Variants in EFHD2 observed in about 807,000 individuals in gnomAD.
The protein encoded by EFHD2 is EF-hand domain family member D2, also known as EF-hand domain-containing protein D2.
Under a neutral mutation model 20.3 loss-of-function variants are expected in EFHD2, and 12 were observed. The observed-to-expected ratio is 0.59, with a 90% CI of 0.38 to 0.96. The LOEUF (loss-of-function observed/expected upper bound fraction) is 0.96. Ranked by LOEUF, EFHD2 falls within the 40% of genes least tolerant of loss-of-function variation. The pLI is 0.00. For synonymous variants in EFHD2, 131 were observed against 143.9 expected (o/e 0.91, Z 0.64); for missense variants, 250 against 334.3 (o/e 0.75, Z 1.97).
chr1:15,417,120 C>T (rs922637701), intron 1 of EFHD2, among the ~76,000 whole-genome samples: 1 of 152,144 alleles, frequency 6.6e-6, no homozygotes, highest in African/African-American at 2.4e-5. Context: ...CCATAATCCG[C>T]ACTGTAACCA....
At chr1:15,427,487 G>T (rs1015386605) in intron 3 of EFHD2, among the ~76,000 whole-genome samples, 1 of 152,226 alleles carries the variant, frequency 6.6e-6, no homozygotes. Context: ...AGCCGCCAAG[G>T]GGGTGGGTGA....
At chr1:15,411,385 C>A (rs1461630728) in intron 1 of EFHD2, among the ~76,000 whole-genome samples, 1 of 152,124 alleles carries the variant, frequency 6.6e-6, no homozygotes, top group Non-Finnish European at 1.5e-5. Context: ...CCTGTCCCCC[C>A]ACAAAAACAA....
intron 3 of EFHD2, chr1:15,428,065 G>A (rs1473860489): frequency 4.4e-6 from 2 of 454,000 alleles, no homozygotes; most frequent in Middle Eastern, 3.3e-4. Flanking sequence ...TTGGGTGCCA[G>A]GTTCTAAGTG....
intron 3 of EFHD2, chr1:15,427,757 G>T (rs1179745950): frequency 2.7e-6 from 1 of 370,764 alleles, no homozygotes; most frequent in Non-Finnish European, 5.4e-6. Context: ...TGATCTAGTG[G>T]CTCCTGGGTC....
In EFHD2 at chr1:15,419,199, C is replaced by T. The variant is rs375482945; in HGVS notation, c.309-6672C>T. ...CATGCTCACCCCAAAGGGAAAGGGTCGTCCTTGGGGGGTAACTGGCTGCTC... is the reference window on the plus strand; with the variant it reads ...CATGCTCACCCCAAAGGGAAAGGGTTGTCCTTGGGGGGTAACTGGCTGCTC... On this transcript the variant is annotated intron_variant, in intron 1 of 3. Coordinates refer to ENST00000375980, the MANE Select transcript of EFHD2 (RefSeq NM_024329.6). 7.2e-5 allele frequency among the ~76,000 whole-genome samples: 11 copies of T among 152,184 alleles called. No individual in the cohort carries two copies. In the East Asian group the frequency reaches 1.2e-3, roughly 16 times the overall value.
chr1:15,424,183 G>C (rs565807954), intron 1 of EFHD2, among the ~76,000 whole-genome samples: 1 of 112,092 alleles, frequency 8.9e-6, no homozygotes, highest in East Asian at 2.5e-4. Context: ...GTCTCAAAAA[G>C]AAAAAAAAAA....
chr1:15,411,017 T>G (rs969543329), intron 1 of EFHD2, among the ~76,000 whole-genome samples: 69 of 151,784 alleles, frequency 4.5e-4, no homozygotes, highest in African/African-American at 1.5e-3. Context: ...AAGGGACCCC[T>G]CGGCCCCTGT....
Position 15,430,076 on chromosome 1 carries a change from G to A in EFHD2, c.*1352G>A, listed in dbSNP as rs550435983. 1 of 152,762 alleles carries A rather than the reference G, an allele frequency of 6.5e-6. No individual in the cohort carries two copies. Among genetic ancestry groups the A allele is most frequent in the African/African-American group, 2.4e-5 (1 of 41,568 alleles). 9.5% of individuals were successfully genotyped at this position (152,762 alleles called of 1,614,324 possible). On this transcript the variant is annotated 3_prime_UTR_variant, in exon 4 of 4. Coordinates refer to ENST00000375980, the MANE Select transcript of EFHD2 (RefSeq NM_024329.6). ...CTGGAAGCTACGCGGACTTGCAGAG[G>A]TTTTATTTTTTGGCCTTAGAATCTG...
intron 1 of EFHD2, among the ~76,000 whole-genome samples, chr1:15,414,755 G>A (rs1707625752): frequency 6.6e-6 from 1 of 152,192 alleles, no homozygotes; most frequent in East Asian, 1.9e-4. Flanking sequence ...CTTCTCTCCT[G>A]CTGAACAGCC....
At chr1:15,415,804 T>A (rs2473350) in intron 1 of EFHD2, among the ~76,000 whole-genome samples, 167 of 152,262 alleles carry the variant, frequency 1.1e-3, no homozygotes, top group African/African-American at 3.8e-3. Flanking sequence ...ACTATCATTT[T>A]TATCCCCATT....
Position 15,410,252 on chromosome 1 carries a change from T to G in EFHD2, c.281T>G (p.Ile94Ser). 6.2e-7 allele frequency: 1 copy of G among 1,603,990 alleles called. No homozygotes were observed. The highest frequency in any genetic ancestry group is 8.5e-7 in the Non-Finnish European group (1 of 1,176,144). The change falls in exon 1 of 4, where the codon ATC becomes AGC. Residue 94 changes from isoleucine to serine, a missense_variant. By Grantham distance (142) the Ile-to-Ser change is moderately radical. Coordinates refer to ENST00000375980, the MANE Select transcript of EFHD2 (RefSeq NM_024329.6). ...TTCAAGGAGTTCTCCAGGAAGCAGA[T>G]CAAGGACATGGAGAAGATGTTCAAG... ...TEFKEFSRKQIKDMEKMFKQY... is the reference protein window; with the variant it reads ...TEFKEFSRKQSKDMEKMFKQY...
At chr1:15,416,453 C>G (rs147042336) in intron 1 of EFHD2, among the ~76,000 whole-genome samples, 2 of 152,352 alleles carry the variant, frequency 1.3e-5, no homozygotes, top group Non-Finnish European at 2.9e-5. Context: ...TCAAGGACAA[C>G]AGAGAGGCAG....
chr1:15,411,414 G>T (rs1707510767), intron 1 of EFHD2, among the ~76,000 whole-genome samples: 1 of 152,164 alleles, frequency 6.6e-6, no homozygotes, highest in African/African-American at 2.4e-5. Context: ...TCTCTGTGGA[G>T]GGGCTAGGGA....
At chr1:15,418,790 A>G (rs1387645568) in intron 1 of EFHD2, among the ~76,000 whole-genome samples, 3 of 152,182 alleles carry the variant, frequency 2.0e-5, no homozygotes, top group South Asian at 2.1e-4. Context: ...GTGTCCTGAT[A>G]GGCATCAGGG....
chr1:15,410,084 CG>C lies in EFHD2; in HGVS notation c.118del (p.Ala40HisfsTer16). Reference protein sequence around the residue: ...PGLNGAAAAAAGAPDEAAEAL... With the variant: ...PGLNGAAAAAXGAPDEAAEAL... ...CTGAACGGGGCAGCGGCGGCGGCGG[CG>C]GGGGCACCCGACGAGGCGGCCGAGG... On this transcript the variant is annotated frameshift_variant, in exon 1 of 4. Transcript: ENST00000375980. LOFTEE classifies it high-confidence loss of function. 7.1e-7 allele frequency: 1 copy of C among 1,406,162 alleles called. No individual in the cohort carries two copies. The highest frequency in any genetic ancestry group is 9.2e-7 in the Non-Finnish European group (1 of 1,085,488). The allele number at this position is 1,406,162 out of a possible 1,614,324, so 87.1% of individuals were successfully genotyped here.
At chr1:15,427,582 G>A (rs1420259476) in intron 3 of EFHD2, among the ~76,000 whole-genome samples, 1 of 152,218 alleles carries the variant, frequency 6.6e-6, no homozygotes, top group Admixed American at 6.5e-5. Context: ...CAGAGGACTG[G>A]GCCTTAGGAG....
intron 1 of EFHD2, among the ~76,000 whole-genome samples, chr1:15,424,977 G>A (rs75017630): frequency 1.2e-4 from 19 of 152,280 alleles, no homozygotes; most frequent in Non-Finnish European, 2.2e-4. Context: ...ATTTTTAGCT[G>A]TCACAACTCA....
chr1:15,427,441 T>C (rs1707891517), intron 3 of EFHD2, among the ~76,000 whole-genome samples, 157 bp downstream of exon 3: 1 of 152,204 alleles, frequency 6.6e-6, no homozygotes, highest in Non-Finnish European at 1.5e-5. Flanking sequence ...ACGCTCTGTC[T>C]TCTGTCTTCT....
intron 1 of EFHD2, among the ~76,000 whole-genome samples, chr1:15,419,016 C>T (rs1041336667): frequency 6.6e-6 from 1 of 152,254 alleles, no homozygotes. Flanking sequence ...AGCAGAGTAG[C>T]CAGGAATGAT....
Sources: allele counts gnomAD v4.1 joint callset (sites outside exome capture counted in the v4.1 genomes callset), GRCh38; gene constraint gnomAD v4.1.1; transcripts MANE v1.5; gene names NCBI Gene and HGNC (gene_info 2026-07-23, HGNC 2026-07-21).